Variants in GPC5 observed in about 807,000 individuals in gnomAD.
GPC5 encodes glypican-5.
GPC5 carries 47 observed loss-of-function variants against 53.9 expected under a neutral mutation model. That is an observed-to-expected ratio of 0.87 (90% CI 0.69 to 1.11). The LOEUF (loss-of-function observed/expected upper bound fraction) is 1.11. Among genes scored for constraint, GPC5 ranks in the 50% most tolerant of loss-of-function variants. GPC5 has a pLI of 0.00. For synonymous variants in GPC5, 286 were observed against 263.3 expected, an observed-to-expected ratio of 1.09 and a Z score of -0.84; for missense variants, 748 against 713.1, an observed-to-expected ratio of 1.05 and a Z score of -0.56.
chr13:91,708,891 T>C (rs952595822), intron 3 of GPC5, among the ~76,000 whole-genome samples: 4 of 152,206 alleles, frequency 2.6e-5, no homozygotes, highest in African/African-American at 9.7e-5. Context: ...TTAAATATGT[T>C]TTTAGAAACA....
At chr13:92,795,252 T>G (rs2031591304) in intron 7 of GPC5, among the ~76,000 whole-genome samples, 1 of 152,152 alleles carries the variant, frequency 6.6e-6, no homozygotes, top group Non-Finnish European at 1.5e-5. Flanking sequence ...CCATCTGGTC[T>G]TTGACAAACC....
intron 7 of GPC5, among the ~76,000 whole-genome samples, chr13:92,202,951 A>G (rs1197947905): frequency 6.6e-6 from 1 of 152,160 alleles, no homozygotes; most frequent in African/African-American, 2.4e-5. Flanking sequence ...AAGAAAAAAA[A>G]TTATGAAATA....
chr13:91,403,303 T>C (rs1332364195), intron 1 of GPC5, among the ~76,000 whole-genome samples: 1 of 152,210 alleles, frequency 6.6e-6, no homozygotes, highest in Admixed American at 6.5e-5. Flanking sequence ...CAAGGGAGAT[T>C]GCACACCAAA....
intron 7 of GPC5, among the ~76,000 whole-genome samples, chr13:92,407,160 T>C (rs1249708143): frequency 6.6e-6 from 1 of 152,182 alleles, no homozygotes; most frequent in Non-Finnish European, 1.5e-5. Context: ...AGACAGAAAA[T>C]TGAATTCATC....
intron 6 of GPC5, among the ~76,000 whole-genome samples, chr13:91,919,138 A>G (rs1212408276): frequency 6.6e-6 from 1 of 151,852 alleles, no homozygotes; most frequent in African/African-American, 2.4e-5. Context: ...CTTCTTTTTT[A>G]CTTACTACTA....
intron 6 of GPC5, among the ~76,000 whole-genome samples, chr13:92,127,277 G>A (rs1202209487): frequency 6.6e-6 from 1 of 151,098 alleles, no homozygotes; most frequent in Non-Finnish European, 1.5e-5. Context: ...ATATATATGT[G>A]TATATATATA....
intron 2 of GPC5, among the ~76,000 whole-genome samples, chr13:91,478,898 T>TATATATATATATATACAC (rs1883140607): frequency 2.0e-5 from 2 of 98,508 alleles, no homozygotes; most frequent in Non-Finnish European, 3.9e-5. Context: ...TATATATATA[T>TATATATATATATATACAC]ATATGCACAT....
chr13:91,964,236 G>A (rs1006426643), intron 6 of GPC5, among the ~76,000 whole-genome samples: 1 of 152,162 alleles, frequency 6.6e-6, no homozygotes, highest in Non-Finnish European at 1.5e-5. Context: ...GTGAGCAGCA[G>A]CAAGATTTCT....
At chr13:92,352,096 G>T (rs2043482875) in intron 7 of GPC5, among the ~76,000 whole-genome samples, 1 of 152,142 alleles carries the variant, frequency 6.6e-6, no homozygotes. Context: ...CATAGGTGCA[G>T]AAACAGTCAG....
At chr13:92,827,696 G>A (rs929268698) in intron 7 of GPC5, among the ~76,000 whole-genome samples, 2 of 152,034 alleles carry the variant, frequency 1.3e-5, no homozygotes, top group South Asian at 2.1e-4. Context: ...AAGTGCCTTC[G>A]GTTCCTTGAT....
At chr13:91,486,783 G>C (rs183250232) in intron 2 of GPC5, 1 of 152,236 alleles carries the variant, frequency 6.6e-6, no homozygotes, top group South Asian at 2.1e-4. Flanking sequence ...AGATTGGAAC[G>C]TGACACCAAT....
intron 6 of GPC5, among the ~76,000 whole-genome samples, chr13:92,111,098 TA>T (rs1302251675): frequency 2.0e-5 from 3 of 152,276 alleles, no homozygotes; most frequent in African/African-American, 7.2e-5. Context: ...ATGGTGGCTT[TA>T]ATAAATAAGG....
intron 7 of GPC5, among the ~76,000 whole-genome samples, chr13:92,665,516 C>T (rs1160343903): frequency 6.6e-6 from 1 of 152,050 alleles, no homozygotes; most frequent in Non-Finnish European, 1.5e-5. Flanking sequence ...GAAAAGACCT[C>T]GGCCATTATT....
In GPC5 at chr13:91,557,094, GT is replaced by G. The variant is rs1424019315; in HGVS notation, c.325+108173del. 7.2e-5 allele frequency among the ~76,000 whole-genome samples: 11 copies of G among 152,042 alleles called. 1 individual carries two copies. The highest frequency in any genetic ancestry group is 7.2e-4 in the Admixed American group (11 of 15,226). Reference sequence around the variant, plus strand: ...GAGGAGAGAGTTGCTGGGTCTTATGGTAATTATGTGTTTGGTTGTAAAAGAA... The same window carrying G: ...GAGGAGAGAGTTGCTGGGTCTTATGGAATTATGTGTTTGGTTGTAAAAGAA... On this transcript the variant is annotated intron_variant, in intron 2 of 7. Coordinates refer to ENST00000377067, the MANE Select transcript of GPC5 (RefSeq NM_004466.6).
chr13:92,444,111 GC>G (rs527560764), intron 7 of GPC5, among the ~76,000 whole-genome samples: 135 of 152,234 alleles, frequency 8.9e-4, no homozygotes, highest in Non-Finnish European at 1.3e-3. Context: ...AAGGAAATGA[GC>G]CCAAAGATGT....
chr13:91,904,490 T>C (rs1240610453), intron 5 of GPC5, among the ~76,000 whole-genome samples: 1 of 152,086 alleles, frequency 6.6e-6, no homozygotes, highest in African/African-American at 2.4e-5. Flanking sequence ...TTGATACTTA[T>C]TGGTGGTTGT....
Position 91,982,337 on chromosome 13 carries a change from A to G in GPC5, c.1401+74280A>G, listed in dbSNP as rs115554093. 5.1e-3 allele frequency among the ~76,000 whole-genome samples: 771 copies of G among 152,380 alleles called. 5 individuals carry two copies. The highest frequency in any genetic ancestry group is 0.018 in the African/African-American group (745 of 41,588). ...TGTGAGAGGTGTTCAGGATTATTTG[A>G]CATAGCAAAAGACTATTAAAACTGT... On this transcript the variant is annotated intron_variant, in intron 6 of 7. Coordinates refer to ENST00000377067, the MANE Select transcript of GPC5 (RefSeq NM_004466.6).
intron 5 of GPC5, among the ~76,000 whole-genome samples, chr13:91,805,997 T>A (rs1271667990): frequency 6.6e-6 from 1 of 151,288 alleles, no homozygotes; most frequent in African/African-American, 2.4e-5. Context: ...TTTTGTTCTA[T>A]GTGAACCTTC....
At chr13:91,797,384 A>T (rs988952868) in intron 5 of GPC5, among the ~76,000 whole-genome samples, 3 of 152,136 alleles carry the variant, frequency 2.0e-5, no homozygotes, top group Non-Finnish European at 4.4e-5. Flanking sequence ...AAAGAAAAAA[A>T]TTTTAAAAAT....
Sources: gnomAD v4.1 joint callset for allele counts (sites outside exome capture counted in the v4.1 genomes callset) on GRCh38, gnomAD v4.1.1 for gene constraint, MANE v1.5 for transcripts, NCBI Gene and HGNC (gene_info 2026-07-23, HGNC 2026-07-21) for gene names.